PCSK5: variants seen among roughly 807,000 people sequenced by gnomAD.
The protein encoded by PCSK5 is proprotein convertase subtilisin/kexin type 5, also known as prohormone convertase 5.
In PCSK5, 129 loss-of-function variants were observed where a neutral mutation model predicts 233.2. The ratio of observed to expected loss-of-function variants is 0.55; its 90% confidence interval spans 0.48 to 0.64. The LOEUF (loss-of-function observed/expected upper bound fraction) is 0.64. Ranked by LOEUF, PCSK5 falls within the 30% of genes least tolerant of loss-of-function variation. The pLI, the probability that PCSK5 is intolerant of heterozygous loss-of-function variation, is 0.00. For synonymous variants in PCSK5, 825 were observed against 879.2 expected, an observed-to-expected ratio of 0.94 and a Z score of 1.09; for missense variants, 2,076 against 2,430.1, an observed-to-expected ratio of 0.85 and a Z score of 3.06.
At chr9:75,939,156 C>T (rs1352289627) in intron 2 of PCSK5, among the ~76,000 whole-genome samples, 1 of 152,192 alleles carries the variant, frequency 6.6e-6, no homozygotes, top group Non-Finnish European at 1.5e-5. Context: ...AGTTTGGGCA[C>T]ATGAGCCCAG....
At chr9:76,082,468 G>A (rs890101168) in intron 7 of PCSK5, among the ~76,000 whole-genome samples, 1 of 152,180 alleles carries the variant, frequency 6.6e-6, no homozygotes, top group Non-Finnish European at 1.5e-5. Context: ...TTGCATTGAA[G>A]AGGCATTCAC....
intron 5 of PCSK5, among the ~76,000 whole-genome samples, chr9:76,040,387 C>CTCTCTGTCTCTCTG (rs878987184): frequency 0.021 from 813 of 38,616 alleles, 12 homozygotes; most frequent in Admixed American, 0.027. Context: ...CTCTCTCTGT[C>CTCTCTGTCTCTCTG]TCTCTCTCTC....
At chr9:75,942,885 C>CTTTT (rs1393843650) in intron 2 of PCSK5, among the ~76,000 whole-genome samples, 3 of 85,718 alleles carry the variant, frequency 3.5e-5, no homozygotes, top group South Asian at 3.4e-4. Context: ...TCTTCTTCTT[C>CTTTT]TTTTTTTTTT....
At chr9:76,277,766 C>A (rs919783094) in intron 24 of PCSK5, among the ~76,000 whole-genome samples, 2 of 152,106 alleles carry the variant, frequency 1.3e-5, no homozygotes, top group African/African-American at 4.8e-5. Flanking sequence ...ATTTTGTATT[C>A]GAGTGTTAAT....
intron 28 of PCSK5, among the ~76,000 whole-genome samples, 187 bp from the exon 29 acceptor site, chr9:76,308,457 GA>G (rs941931662): frequency 1.3e-5 from 2 of 151,086 alleles, no homozygotes; most frequent in African/African-American, 2.4e-5. Context: ...AGGAGTAAGA[GA>G]AAAAAAAATA....
At chr9:76,044,485 C>A (rs939218102) in intron 5 of PCSK5, among the ~76,000 whole-genome samples, 1 of 152,126 alleles carries the variant, frequency 6.6e-6, no homozygotes, top group Non-Finnish European at 1.5e-5. Context: ...TAGGGTAAGT[C>A]TTATTACCAC....
At chr9:76,178,512 A>C (rs904603221) in intron 14 of PCSK5, among the ~76,000 whole-genome samples, 2 of 152,186 alleles carry the variant, frequency 1.3e-5, no homozygotes, top group Non-Finnish European at 2.9e-5. Context: ...AGGGTATTTG[A>C]CTACCAGATT....
chr9:76,254,907 G>A (rs911106481), intron 24 of PCSK5, among the ~76,000 whole-genome samples: 3 of 152,276 alleles, frequency 2.0e-5, no homozygotes, highest in African/African-American at 4.8e-5. Context: ...AGGATCCTGC[G>A]GAGCTGTAAA....
At chr9:76,174,398 C>T (rs1823479151) in intron 13 of PCSK5, among the ~76,000 whole-genome samples, 1 of 151,912 alleles carries the variant, frequency 6.6e-6, no homozygotes, top group Admixed American at 6.6e-5. Context: ...CCTCCGCCTC[C>T]CAGGTTCAAG....
chr9:75,938,520 C>G (rs892391782), intron 2 of PCSK5, among the ~76,000 whole-genome samples: 1 of 152,166 alleles, frequency 6.6e-6, no homozygotes, highest in Admixed American at 6.5e-5. Flanking sequence ...CCCAGACACA[C>G]GAAGTGAGCA....
chr9:76,304,447 G>A (rs1408363387), intron 28 of PCSK5, among the ~76,000 whole-genome samples: 2 of 152,210 alleles, frequency 1.3e-5, no homozygotes, highest in African/African-American at 2.4e-5. Context: ...GGAAGGAAGA[G>A]GGGAGTAAAA....
chr9:75,910,258 A>C (rs1332501073), intron 1 of PCSK5, among the ~76,000 whole-genome samples: 2 of 152,208 alleles, frequency 1.3e-5, no homozygotes, highest in African/African-American at 4.8e-5. Flanking sequence ...TACTCTGGAT[A>C]AGAACCCCGT....
In PCSK5 at chr9:75,948,967, TATCAA is replaced by T. The variant is rs1433925815; in HGVS notation, c.297+16488_297+16492del. Reference sequence around the variant, plus strand: ...ACTGCCCTCATAGCACTTACTATCTTATCAAATCTAAAATCCAGGCCCGAAGTAAA... The same window carrying T: ...ACTGCCCTCATAGCACTTACTATCTTATCTAAAATCCAGGCCCGAAGTAAA... On this transcript the variant is annotated intron_variant, in intron 2 of 37. Coordinates refer to ENST00000674117, the MANE Select transcript of PCSK5 (RefSeq NM_001372043.1). 7.2e-5 allele frequency among the ~76,000 whole-genome samples: 11 copies of T among 151,948 alleles called. No homozygotes were observed. The East Asian group carries it at 2.1e-3, about 29-fold the overall frequency.
intron 24 of PCSK5, among the ~76,000 whole-genome samples, chr9:76,289,460 T>A (rs1329252790): frequency 7.8e-6 from 1 of 127,444 alleles, no homozygotes; most frequent in Non-Finnish European, 1.6e-5. Context: ...TCCCTTCCCA[T>A]TCCCCTCACC....
chr9:76,220,186 G>T (rs1432764672), intron 20 of PCSK5, among the ~76,000 whole-genome samples: 3 of 152,164 alleles, frequency 2.0e-5, no homozygotes, highest in Non-Finnish European at 4.4e-5. Context: ...TCATCCACAG[G>T]TTCAATGAGA....
At chr9:76,284,562 C>T (rs1320423874) in intron 24 of PCSK5, among the ~76,000 whole-genome samples, 4 of 116,850 alleles carry the variant, frequency 3.4e-5, no homozygotes, top group Non-Finnish European at 5.0e-5. Context: ...GGCAGAGTTT[C>T]GCTCTTCTTG....
chr9:76,304,158 C>T (rs1349066573), intron 28 of PCSK5, among the ~76,000 whole-genome samples: 10 of 152,144 alleles, frequency 6.6e-5, no homozygotes, highest in East Asian at 5.8e-4. Flanking sequence ...GGTGATGGAG[C>T]GAGACTCTGT....
At chr9:76,182,813 C>T (rs1564088202) in intron 16 of PCSK5, among the ~76,000 whole-genome samples, 1 of 152,052 alleles carries the variant, frequency 6.6e-6, no homozygotes, top group African/African-American at 2.4e-5. Flanking sequence ...TGTTTTTGCA[C>T]AACCTAAGGA....
chr9:76,076,424 G>A (rs1830648995), intron 7 of PCSK5, among the ~76,000 whole-genome samples: 1 of 152,178 alleles, frequency 6.6e-6, no homozygotes, highest in East Asian at 1.9e-4. Context: ...CTGTATGTGG[G>A]GTGAGAGATG....
Sources: allele counts gnomAD v4.1 joint callset (sites outside exome capture counted in the v4.1 genomes callset), GRCh38; gene constraint gnomAD v4.1.1; transcripts MANE v1.5; gene names NCBI Gene and HGNC (gene_info 2026-07-23, HGNC 2026-07-21).